SDC3: variants seen among roughly 807,000 people sequenced by gnomAD.
The protein encoded by SDC3 is syndecan 3, also known as syndecan-3.
SDC3 carries 13 observed loss-of-function variants against 24.4 expected under a neutral mutation model. The observed-to-expected ratio is 0.53, with a 90% CI of 0.35 to 0.85. The LOEUF (loss-of-function observed/expected upper bound fraction) is 0.85. Ranked by LOEUF, SDC3 falls within the 40% of genes least tolerant of loss-of-function variation. The probability of loss-of-function intolerance (pLI) is 0.01; values close to 1 mark genes in which losing one functional copy is unlikely to be tolerated. For synonymous variants in SDC3, 295 were observed against 260.9 expected, an observed-to-expected ratio of 1.13 and a Z score of -1.26; for missense variants, 571 against 584.5, an observed-to-expected ratio of 0.98 and a Z score of 0.24.
intron 1 of SDC3, among the ~76,000 whole-genome samples, chr1:30,880,420 G>A (rs1401625320): frequency 6.6e-6 from 1 of 151,970 alleles, no homozygotes; most frequent in Non-Finnish European, 1.5e-5. Context: ...GCAAGGGTGG[G>A]AGGCAGAGGG....
rs1639501388 is a variant in SDC3 at position 30,869,833 on chromosome 1, G to C, written c.*3378C>G. 2.5e-6 allele frequency: 1 copy of C among 398,516 alleles called. No individual in the cohort carries two copies. Among genetic ancestry groups the C allele is most frequent in the East Asian group, 3.6e-5 (1 of 28,074 alleles). 24.7% of individuals were successfully genotyped at this position (398,516 alleles called of 1,614,324 possible). A position where few individuals can be genotyped will look rare whatever the true frequency, so the allele number is the denominator to read the frequency against. On this transcript the variant is annotated 3_prime_UTR_variant, in exon 5 of 5. Coordinates refer to ENST00000339394, the MANE Select transcript of SDC3 (RefSeq NM_014654.4). ...ACAGGAGGGAGGGACACTGTCTTCA[G>C]GGGGCTCTCTGGAGCCACGCTGCCT...
Position 30,873,047 on chromosome 1 carries a change from G to T in SDC3, c.*164C>A. On this transcript the variant is annotated 3_prime_UTR_variant, in exon 5 of 5. Coordinates refer to ENST00000339394, the MANE Select transcript of SDC3 (RefSeq NM_014654.4). ...GATGGCAGCAGCCCCTCTTCCTCGGGGAAGATCTGTGTGAGGCTGGCAGCC... is the reference window on the plus strand; with the variant it reads ...GATGGCAGCAGCCCCTCTTCCTCGGTGAAGATCTGTGTGAGGCTGGCAGCC... 1.5e-6 allele frequency: 1 copy of T among 651,668 alleles called. No individual in the cohort carries two copies. Among genetic ancestry groups the T allele is most frequent in the South Asian group, 1.8e-5 (1 of 55,138 alleles). The allele number at this position is 651,668 out of a possible 1,614,324, so 40.4% of individuals were successfully genotyped here.
chr1:30,874,730 G>C, intron 3 of SDC3, 142 bp from the exon 4 acceptor site: 1 of 769,046 alleles, frequency 1.3e-6, no homozygotes, highest in South Asian at 1.8e-5. Context: ...ATGAAGGAGT[G>C]TAACAATGCC....
chr1:30,898,689 C>T (rs1002530578), intron 1 of SDC3, among the ~76,000 whole-genome samples: 1 of 152,152 alleles, frequency 6.6e-6, no homozygotes, highest in African/African-American at 2.4e-5. Context: ...CCAGGCCAGC[C>T]GTCCTGCCTG....
intron 1 of SDC3, 73 bp from the exon 2 acceptor site, chr1:30,878,813 A>C: frequency 1.6e-6 from 2 of 1,248,358 alleles, no homozygotes; most frequent in Non-Finnish European, 2.4e-6. Flanking sequence ...GAAGGGCGAC[A>C]GGTGCCCTTG....
intron 1 of SDC3, among the ~76,000 whole-genome samples, chr1:30,894,649 G>GCTAC (rs1211977639): frequency 1.1e-4 from 3 of 27,710 alleles, no homozygotes; most frequent in Admixed American, 6.1e-4. Context: ...GTGTGTGTGG[G>GCTAC]GTGTGTGTGG....
intron 3 of SDC3, among the ~76,000 whole-genome samples, chr1:30,876,285 C>T (rs1639634762): frequency 6.6e-6 from 1 of 152,130 alleles, no homozygotes; most frequent in Non-Finnish European, 1.5e-5. Flanking sequence ...CTCAGCCCGG[C>T]CCCCCTTGTC....
At chr1:30,876,512 C>T (rs1363801171) in intron 3 of SDC3, 40 bp downstream of exon 3, 4 of 1,478,194 alleles carry the variant, frequency 2.7e-6, no homozygotes, top group South Asian at 1.5e-5. Flanking sequence ...CTGACCCACC[C>T]TCCTCCGCCC....
chr1:30,872,854 G>T lies in SDC3; in HGVS notation c.*357C>A. 1 of 268,618 alleles carries T rather than the reference G, an allele frequency of 3.7e-6. No homozygotes were observed. The highest frequency in any genetic ancestry group is 8.1e-5 in the East Asian group (1 of 12,380). The allele number at this position is 268,618 out of a possible 1,614,324, so 16.6% of individuals were successfully genotyped here. On this transcript the variant is annotated 3_prime_UTR_variant, in exon 5 of 5. Transcript: ENST00000339394. ...AAGGAGATCTCAGTGAGCACTGTGG[G>T]TGCCAAGTCAGGGCTCAGGCTCATC...
chr1:30,903,743 G>T (rs991468354), intron 1 of SDC3, among the ~76,000 whole-genome samples: 2 of 152,156 alleles, frequency 1.3e-5, no homozygotes, highest in East Asian at 1.9e-4. Context: ...TAATCCAGGG[G>T]GTAGGGAGGC....
intron 4 of SDC3, 51 bp downstream of exon 4, chr1:30,874,246 C>G: frequency 1.4e-6 from 2 of 1,475,170 alleles, no homozygotes; most frequent in East Asian, 2.3e-5. Context: ...AGCCAGCTGT[C>G]TCACTCTGGT....
chr1:30,873,870 C>T (rs1412358930), intron 4 of SDC3, among the ~76,000 whole-genome samples: 3 of 152,030 alleles, frequency 2.0e-5, no homozygotes, highest in African/African-American at 7.2e-5. Flanking sequence ...GGATTTGAAC[C>T]AGGAGTCCAC....
chr1:30,877,429 C>T (rs1639664830), intron 2 of SDC3: 1 of 603,798 alleles, frequency 1.7e-6, no homozygotes, highest in South Asian at 2.1e-5. Flanking sequence ...TTCCTGCCCA[C>T]CCAGCCTACA....
At chr1:30,886,118 C>G (rs1639824172) in intron 1 of SDC3, among the ~76,000 whole-genome samples, 2 of 151,824 alleles carry the variant, frequency 1.3e-5, no homozygotes, top group Non-Finnish European at 2.9e-5. Flanking sequence ...CAGCTGCCCA[C>G]CCCCATACTC....
rs1639498120 is a variant in SDC3, at chr1:30,869,642, A to C, written c.*3569T>G. 2.5e-6 allele frequency: 1 copy of C among 397,240 alleles called. No individual in the cohort carries two copies. Among genetic ancestry groups the C allele is most frequent in the African/African-American group, 2.1e-5 (1 of 48,106 alleles). The allele number at this position is 397,240 out of a possible 1,614,324, so 24.6% of individuals were successfully genotyped here. A position where few individuals can be genotyped will look rare whatever the true frequency, so the allele number is the denominator to read the frequency against. ...GCAGGCGCCTTGGTCTCTTTTTTCC[A>C]CTGTCTTTTTCTTTTGTTTTTCTTA... On this transcript the variant is annotated 3_prime_UTR_variant, in exon 5 of 5. Coordinates refer to ENST00000339394, the MANE Select transcript of SDC3 (RefSeq NM_014654.4).
chr1:30,900,665 G>A (rs961303307), intron 1 of SDC3, among the ~76,000 whole-genome samples: 1 of 152,196 alleles, frequency 6.6e-6, no homozygotes. Context: ...AGCCCAGGGA[G>A]GGGGACAGGT....
At chr1:30,881,404 TC>T (rs1639742388) in intron 1 of SDC3, 1 of 152,974 alleles carries the variant, frequency 6.5e-6, no homozygotes, top group African/African-American at 2.4e-5. Context: ...CCACGTATGT[TC>T]CCTAAACACA....
chr1:30,902,041 C>T (rs1327562170), intron 1 of SDC3, among the ~76,000 whole-genome samples: 2 of 152,288 alleles, frequency 1.3e-5, no homozygotes, highest in Non-Finnish European at 2.9e-5. Context: ...CCTACTCCTT[C>T]GATGACTTCA....
chr1:30,878,655 A>G lies in SDC3; in HGVS notation c.224T>C (p.Leu75Pro). ...GCCCGACCCCGAGTAGAGGTCATCC[A>G]GTTCATCATCGGGAAAGGAGTCATC... ...GDDDSFPDDE[L>P]DDLYSGSGSG... Residue 75 changes from leucine (L) to proline (P), a missense_variant, in exon 2 of 5, where the codon CTG becomes CCG. By Grantham distance (98) the Leu-to-Pro change is moderately conservative. Transcript: ENST00000339394. 2.5e-6 allele frequency: 4 copies of G among 1,614,138 alleles called. No homozygotes were observed. The highest frequency in any genetic ancestry group is 3.4e-6 in the Non-Finnish European group (4 of 1,179,962).
Sources: gnomAD v4.1 joint callset for allele counts (sites outside exome capture counted in the v4.1 genomes callset) on GRCh38, gnomAD v4.1.1 for gene constraint, MANE v1.5 for transcripts, NCBI Gene and HGNC (gene_info 2026-07-23, HGNC 2026-07-21) for gene names.